Variants in QTMAN observed in about 807,000 individuals in gnomAD.
QTMAN encodes the protein queuosine-tRNA mannosyltransferase.
the QTMAN span, among the ~76,000 whole-genome samples, chr2:144,160,477 A>G: frequency 6.6e-6 from 1 of 152,208 alleles, no homozygotes; most frequent in Admixed American, 6.5e-5. Context: ...ATCAAATCTC[A>G]CATGAGTATT....
the QTMAN span, among the ~76,000 whole-genome samples, chr2:143,991,531 C>T: frequency 5.0e-4 from 72 of 144,428 alleles, no homozygotes; most frequent in African/African-American, 1.7e-3. Flanking sequence ...CCCCTCTGCC[C>T]GGCCAGCCGC....
the QTMAN span, among the ~76,000 whole-genome samples, chr2:144,137,395 C>T: frequency 6.6e-6 from 1 of 151,756 alleles, no homozygotes; most frequent in Admixed American, 6.6e-5. Context: ...TTTTTAACTT[C>T]CCATATATTT....
At chr2:144,029,143 G>A in the QTMAN span, among the ~76,000 whole-genome samples, 1 of 152,132 alleles carries the variant, frequency 6.6e-6, no homozygotes, top group Non-Finnish European at 1.5e-5. Flanking sequence ...TAGTTGAAAC[G>A]TTGTATGGCT....
the QTMAN span, among the ~76,000 whole-genome samples, chr2:144,001,068 T>C: frequency 2.6e-5 from 4 of 151,966 alleles, no homozygotes; most frequent in Non-Finnish European, 5.9e-5. Context: ...ATTTCAGCAA[T>C]GAGAAAACAA....
At chr2:144,039,527 A>G in the QTMAN span, among the ~76,000 whole-genome samples, 12 of 152,174 alleles carry the variant, frequency 7.9e-5, no homozygotes, top group Non-Finnish European at 1.6e-4. Context: ...CAAAATAAAC[A>G]ACTTTGGTGA....
chr2:144,127,247 A>T, the QTMAN span, among the ~76,000 whole-genome samples: 1 of 152,030 alleles, frequency 6.6e-6, no homozygotes, highest in African/African-American at 2.4e-5. Flanking sequence ...CCACAGTGCT[A>T]ATGCTGAATA....
chr2:144,017,044 C>T, the QTMAN span, among the ~76,000 whole-genome samples: 2 of 151,348 alleles, frequency 1.3e-5, no homozygotes, highest in Non-Finnish European at 2.9e-5. Context: ...CTCACTCTGT[C>T]GCCAGGCTGG....
the QTMAN span, among the ~76,000 whole-genome samples, chr2:144,013,050 A>G: frequency 6.6e-6 from 1 of 152,160 alleles, no homozygotes; most frequent in Admixed American, 6.5e-5. Context: ...TGCAACACTG[A>G]TTCCATGGGA....
At chr2:143,996,703 A>T in the QTMAN span, among the ~76,000 whole-genome samples, 1 of 152,078 alleles carries the variant, frequency 6.6e-6, no homozygotes, top group Non-Finnish European at 1.5e-5. Flanking sequence ...ATATGATACT[A>T]ACAGAGGTTT....
At chr2:144,022,555 T>C in the QTMAN span, among the ~76,000 whole-genome samples, 1 of 143,210 alleles carries the variant, frequency 7.0e-6, no homozygotes, top group Non-Finnish European at 1.5e-5. Context: ...TCTCTCTCTC[T>C]CTCTCTTTTT....
the QTMAN span, among the ~76,000 whole-genome samples, chr2:144,246,837 C>T: frequency 6.6e-6 from 1 of 152,160 alleles, no homozygotes. Context: ...TATACCCAGA[C>T]ATTCTTCTAC....
the QTMAN span, among the ~76,000 whole-genome samples, chr2:144,208,385 T>A: frequency 6.6e-6 from 1 of 152,050 alleles, no homozygotes; most frequent in Non-Finnish European, 1.5e-5. Context: ...AGAAAACACA[T>A]ATGGTTGGTT....
the QTMAN span, chr2:143,942,979 G>C: frequency 6.6e-6 from 1 of 152,188 alleles, no homozygotes; most frequent in Admixed American, 6.5e-5. Context: ...ATGTCACAAA[G>C]AGTGGCAAGA....
chr2:144,279,236 T>C, the QTMAN span, among the ~76,000 whole-genome samples: 1 of 152,100 alleles, frequency 6.6e-6, no homozygotes, highest in Non-Finnish European at 1.5e-5. Context: ...AAAGCTTATA[T>C]AACTTCAGCA....
chr2:144,146,356 T>A, the QTMAN span, among the ~76,000 whole-genome samples: 3 of 151,142 alleles, frequency 2.0e-5, no homozygotes, highest in Admixed American at 1.3e-4. Flanking sequence ...ACCAGATGCA[T>A]CATCTGTAAA....
chr2:144,064,756 C>T, the QTMAN span, among the ~76,000 whole-genome samples: 1 of 152,162 alleles, frequency 6.6e-6, no homozygotes, highest in Non-Finnish European at 1.5e-5. Context: ...GCAGAGAGAA[C>T]TGTGGCAAAA....
chr2:144,322,831 A>C, the QTMAN span, among the ~76,000 whole-genome samples: 1 of 152,152 alleles, frequency 6.6e-6, no homozygotes, highest in African/African-American at 2.4e-5. Flanking sequence ...GTCCCTTTGA[A>C]AATATTGGCT....
At chr2:144,203,186 T>C in the QTMAN span, among the ~76,000 whole-genome samples, 1 of 145,700 alleles carries the variant, frequency 6.9e-6, no homozygotes, top group Non-Finnish European at 1.5e-5. Context: ...TGTGTGTGTG[T>C]GTGTGCACGT....
the QTMAN span, among the ~76,000 whole-genome samples, chr2:144,139,228 G>C: frequency 1.3e-5 from 2 of 152,032 alleles, no homozygotes; most frequent in Admixed American, 6.6e-5. Context: ...CAGCTTTTAG[G>C]AGAGTAGTTC....
Sources: gnomAD v4.1 joint callset for allele counts (sites outside exome capture counted in the v4.1 genomes callset) on GRCh38, gnomAD v4.1.1 for gene constraint, MANE v1.5 for transcripts, NCBI Gene and HGNC (gene_info 2026-07-23, HGNC 2026-07-21) for gene names.